VIPR2: variants seen among roughly 807,000 people sequenced by gnomAD.
VIPR2 encodes vasoactive intestinal polypeptide receptor 2.
VIPR2 carries 48 observed loss-of-function variants against 58.0 expected under a neutral mutation model. The observed-to-expected ratio is 0.83, with a 90% CI of 0.66 to 1.05. VIPR2 has a LOEUF of 1.05. VIPR2 is among the 50% of genes least tolerant of loss of function. The pLI, the probability that VIPR2 is intolerant of heterozygous loss-of-function variation, is 0.00. For synonymous variants in VIPR2, 243 were observed against 235.2 expected (o/e 1.03, Z -0.30); for missense variants, 534 against 558.0 (o/e 0.96, Z 0.43).
Position 159,033,493 on chromosome 7 carries a change from A to G in VIPR2, c.971+720T>C, listed in dbSNP as rs115172151. ...ATTTTGGTTTTTACCTTTTTAAAAA[A>G]AAATAAATTCTTGATATAAATTTAT... On this transcript the variant is annotated intron_variant, in intron 10 of 12. Coordinates refer to ENST00000262178, the MANE Select transcript of VIPR2 (RefSeq NM_003382.5). 1.8e-3 allele frequency among the ~76,000 whole-genome samples: 281 copies of G among 152,358 alleles called. 3 individuals are homozygous for G. Among genetic ancestry groups the G allele is most frequent in the African/African-American group, 6.4e-3 (267 of 41,584 alleles).
At chr7:159,062,553 G>T (rs1233974829) in intron 4 of VIPR2, among the ~76,000 whole-genome samples, 1 of 151,950 alleles carries the variant, frequency 6.6e-6, no homozygotes, top group African/African-American at 2.4e-5. Flanking sequence ...CCCGCCCAGA[G>T]TTACTTATTC....
At chr7:159,076,212 G>A (rs1274519105) in intron 4 of VIPR2, among the ~76,000 whole-genome samples, 2 of 152,140 alleles carry the variant, frequency 1.3e-5, no homozygotes, top group Non-Finnish European at 2.9e-5. Flanking sequence ...AACTGCCATG[G>A]CCACTTTGGG....
chr7:159,144,265 C>G (rs1415126677), intron 1 of VIPR2: 6 of 1,338,768 alleles, frequency 4.5e-6, no homozygotes, highest in Middle Eastern at 1.9e-4. Flanking sequence ...CTTTATTTAA[C>G]CGACGCCACG....
At chr7:159,072,191 C>T (rs1196274842) in intron 4 of VIPR2, among the ~76,000 whole-genome samples, 2 of 151,060 alleles carry the variant, frequency 1.3e-5, no homozygotes, top group African/African-American at 2.4e-5. Context: ...GGGAACCCTG[C>T]GGCACCTGCT....
intron 10 of VIPR2, among the ~76,000 whole-genome samples, chr7:159,032,727 T>G (rs1853672223): frequency 6.6e-6 from 1 of 152,136 alleles, no homozygotes; most frequent in African/African-American, 2.4e-5. Flanking sequence ...CCTTTTCTGT[T>G]GTCCTGGAAA....
At chr7:159,110,152 G>C (rs1201315151) in intron 2 of VIPR2, among the ~76,000 whole-genome samples, 2 of 152,178 alleles carry the variant, frequency 1.3e-5, no homozygotes, top group Non-Finnish European at 2.9e-5. Flanking sequence ...TGTACCTTCT[G>C]AATTTTAAGA....
intron 5 of VIPR2, among the ~76,000 whole-genome samples, chr7:159,050,552 G>T (rs984956060): frequency 6.6e-6 from 1 of 151,640 alleles, no homozygotes; most frequent in African/African-American, 2.4e-5. Flanking sequence ...TTAAATAGAG[G>T]GGACTAACAT....
chr7:159,047,266 A>G (rs1394376817), intron 5 of VIPR2, among the ~76,000 whole-genome samples: 1 of 152,192 alleles, frequency 6.6e-6, no homozygotes, highest in Non-Finnish European at 1.5e-5. Context: ...CAAAAAAACT[A>G]TAAAGGATCC....
intron 4 of VIPR2, among the ~76,000 whole-genome samples, chr7:159,062,531 T>G (rs1254637515): frequency 6.6e-6 from 1 of 151,642 alleles, no homozygotes; most frequent in Non-Finnish European, 1.5e-5. Context: ...CTCTCTGGAG[T>G]TGTTCATTCC....
Position 159,096,892 on chromosome 7 carries a change from C to T in VIPR2, c.357+6865G>A. 1 of 1,549,770 alleles carries T rather than the reference C, an allele frequency of 6.5e-7. No individual in the cohort carries two copies. Among genetic ancestry groups the T allele is most frequent in the Non-Finnish European group, 8.7e-7 (1 of 1,146,524 alleles). On this transcript the variant is annotated intron_variant, in intron 4 of 12. Transcript: ENST00000262178. This position sits in a 1 kb window ranked among gnomAD's most constrained non-coding sequence, Gnocchi z 5.5. Reference sequence around the variant, plus strand: ...CTGAGACCACCCTCTCTGTGGCCGCCTTGCTGTCCCCGTTCCCATCACTCG... The same window carrying T: ...CTGAGACCACCCTCTCTGTGGCCGCTTTGCTGTCCCCGTTCCCATCACTCG...
chr7:159,141,137 C>T lies in VIPR2; in HGVS notation c.151+1309G>A, dbSNP rs1406054748. On this transcript the variant is annotated intron_variant, in intron 2 of 12. Transcript: ENST00000262178. ...CACTGGAAGAAGGACCTCCCATGGC[C>T]ACGCTGCTGCTTCTGCCGTGGCAGA... 2.0e-5 allele frequency among the ~76,000 whole-genome samples: 3 copies of T among 152,214 alleles called. No individual in the cohort carries two copies. The East Asian group carries it at 5.8e-4, about 29-fold the overall frequency.
At chr7:159,121,965 G>T (rs1796469414) in intron 2 of VIPR2, among the ~76,000 whole-genome samples, 1 of 152,322 alleles carries the variant, frequency 6.6e-6, no homozygotes, top group Admixed American at 6.5e-5. Context: ...ACAACTGATT[G>T]GTACGAATCA....
chr7:159,066,199 A>G (rs1856076807), intron 4 of VIPR2, among the ~76,000 whole-genome samples: 1 of 151,764 alleles, frequency 6.6e-6, no homozygotes, highest in Middle Eastern at 3.4e-3. Flanking sequence ...CTGCTCCCGC[A>G]CCGTCCATGG....
At chr7:159,125,537 C>T (rs1796621705) in intron 2 of VIPR2, among the ~76,000 whole-genome samples, 1 of 152,206 alleles carries the variant, frequency 6.6e-6, no homozygotes, top group African/African-American at 2.4e-5. Context: ...CCTCCTGCAG[C>T]AGCTGTCCAC....
chr7:159,040,358 A>AGCACGTGAGTACGCACACATGT, intron 6 of VIPR2, among the ~76,000 whole-genome samples: 1 of 152,366 alleles, frequency 6.6e-6, no homozygotes, highest in East Asian at 1.9e-4. Flanking sequence ...CCTCTGTGTG[A>AGCACGTGAGTACGCACACATGT]GCACGTGAGT....
chr7:159,031,026 C>T lies in VIPR2; in HGVS notation c.1144-237G>A, dbSNP rs10268921. 0.25 allele frequency among the ~76,000 whole-genome samples: 38,022 copies of T among 152,172 alleles called. 5,369 individuals carry two copies. Among genetic ancestry groups the T allele is most frequent in the East Asian group, 0.63 (3,231 of 5,166 alleles). ...ACTCTAAGACTGTGCGTGGGTGGTT[C>T]GGGGATCGCCACTGCCGCGGTAAGC... is the stretch of plus-strand genomic sequence containing the variant. On this transcript the variant is annotated intron_variant, in intron 12 of 12. Coordinates refer to ENST00000262178, the MANE Select transcript of VIPR2 (RefSeq NM_003382.5). The surrounding 1 kb of genome is among the most constrained non-coding windows in gnomAD (Gnocchi z 4.0).
In VIPR2 at chr7:159,144,796, G is replaced by A. The variant is rs1258312139; in HGVS notation, c.-25C>T. On this transcript the variant is annotated 5_prime_UTR_variant, in exon 1 of 13. Coordinates refer to ENST00000262178, the MANE Select transcript of VIPR2 (RefSeq NM_003382.5). ...TCCCGAGCTCAGCGTGCCGGGGGCC[G>A]CCCAGCGCCCGCCGCCTCCGTCCTA... The A allele has an allele frequency of 3.2e-6, 4 of 1,242,668 alleles. No individual in the cohort carries two copies. In the African/African-American group the frequency reaches 4.7e-5, roughly 14 times the overall value. The allele number at this position is 1,242,668 out of a possible 1,614,324, so 77.0% of individuals were successfully genotyped here. A position where few individuals can be genotyped will look rare whatever the true frequency, so the allele number is the denominator to read the frequency against.
intron 1 of VIPR2, among the ~76,000 whole-genome samples, chr7:159,144,079 G>C (rs1289314059): frequency 6.6e-6 from 1 of 152,254 alleles, no homozygotes; most frequent in East Asian, 1.9e-4. Flanking sequence ...CAGTCTCCAA[G>C]AGGAAAGCAA....
chr7:159,032,501 C>T (rs1191651186), intron 10 of VIPR2, among the ~76,000 whole-genome samples: 2 of 152,194 alleles, frequency 1.3e-5, no homozygotes, highest in Non-Finnish European at 2.9e-5. Flanking sequence ...ATCCTGCTCC[C>T]GGACCTGCAG....
Sources: allele counts gnomAD v4.1 joint callset (sites outside exome capture counted in the v4.1 genomes callset), GRCh38; gene constraint gnomAD v4.1.1; non-coding constraint Gnocchi (gnomAD v3.1); transcripts MANE v1.5; gene names NCBI Gene and HGNC (gene_info 2026-07-23, HGNC 2026-07-21).